The following AHCYL2 variants were observed in gnomAD, a reference collection of about 807,000 sequenced individuals.
AHCYL2 encodes S-adenosylhomocysteine hydrolase-like protein 2.
A neutral mutation model predicts 81.4 loss-of-function variants in AHCYL2; 28 were observed. That is an observed-to-expected ratio of 0.34 (90% CI 0.25 to 0.47). AHCYL2 has a LOEUF of 0.47. AHCYL2 is among the 20% of genes least tolerant of loss of function. The probability of loss-of-function intolerance (pLI) is 1.00; values close to 1 mark genes in which losing one functional copy is unlikely to be tolerated. For missense variants in AHCYL2, 551 were observed against 785.1 expected, an observed-to-expected ratio of 0.70 and a Z score of 3.56; for synonymous variants, 272 against 290.2, an observed-to-expected ratio of 0.94 and a Z score of 0.64.
chr7:129,305,157 A>G (rs1797394283), intron 1 of AHCYL2, among the ~76,000 whole-genome samples: 1 of 152,180 alleles, frequency 6.6e-6, no homozygotes, highest in African/African-American at 2.4e-5. Context: ...CAAGCAAAAA[A>G]ACTAATAAAA....
At chr7:129,263,558 A>C (rs1404109255) in intron 1 of AHCYL2, among the ~76,000 whole-genome samples, 2 of 152,196 alleles carry the variant, frequency 1.3e-5, no homozygotes, top group Non-Finnish European at 2.9e-5. Context: ...AAGTAGCTTG[A>C]GGGAATAAAG....
chr7:129,361,242 A>G (rs913057606), intron 1 of AHCYL2, among the ~76,000 whole-genome samples: 22 of 152,276 alleles, frequency 1.4e-4, no homozygotes, highest in Admixed American at 1.2e-3. Flanking sequence ...TCTTCCCTCT[A>G]TTTGGAATAC....
chr7:129,231,938 C>A (rs896903524), intron 1 of AHCYL2, among the ~76,000 whole-genome samples: 4 of 144,754 alleles, frequency 2.8e-5, no homozygotes, highest in Non-Finnish European at 6.1e-5. Flanking sequence ...ATTTTATTTT[C>A]TTTTTTTTTT....
intron 4 of AHCYL2, among the ~76,000 whole-genome samples, chr7:129,390,821 G>A (rs11762085): frequency 0.2 from 30,525 of 152,094 alleles, 3,924 homozygotes; most frequent in Non-Finnish European, 0.28. Context: ...ACCGAGGGGC[G>A]TGGAATTACC....
chr7:129,283,279 G>A (rs945940068), intron 1 of AHCYL2: 2 of 444,682 alleles, frequency 4.5e-6, no homozygotes. Flanking sequence ...TATTCTCAAG[G>A]CAGTAAGCAG....
At chr7:129,313,108 A>G (rs1223800625) in intron 1 of AHCYL2, among the ~76,000 whole-genome samples, 1 of 152,222 alleles carries the variant, frequency 6.6e-6, no homozygotes, top group Non-Finnish European at 1.5e-5. Context: ...GTTCTGCTAC[A>G]ACCACCCAAA....
intron 1 of AHCYL2, among the ~76,000 whole-genome samples, chr7:129,353,625 G>A (rs1322220683): frequency 6.7e-6 from 1 of 149,322 alleles, no homozygotes; most frequent in East Asian, 1.9e-4. Context: ...GATGTGTTAA[G>A]ATGGAGGTGC....
chr7:129,239,437 T>TC, intron 1 of AHCYL2, among the ~76,000 whole-genome samples: 1 of 152,042 alleles, frequency 6.6e-6, no homozygotes, highest in East Asian at 1.9e-4. Context: ...TTAATTTTTT[T>TC]TTTTTTTTTA....
At chr7:129,302,674 G>A (rs959583206) in intron 1 of AHCYL2, among the ~76,000 whole-genome samples, 2 of 152,148 alleles carry the variant, frequency 1.3e-5, no homozygotes, top group African/African-American at 4.8e-5. Context: ...ATTGATTGGT[G>A]TATGTTGATC....
intron 12 of AHCYL2, among the ~76,000 whole-genome samples, chr7:129,418,209 T>A (rs1006624723): frequency 6.6e-6 from 1 of 152,216 alleles, no homozygotes; most frequent in Admixed American, 6.5e-5. Flanking sequence ...GTTAAGGACT[T>A]TAGATTTTAT....
chr7:129,424,486 C>G (rs1797265983), intron 13 of AHCYL2, among the ~76,000 whole-genome samples: 1 of 152,122 alleles, frequency 6.6e-6, no homozygotes, highest in Non-Finnish European at 1.5e-5. Context: ...GAGATTGTCC[C>G]TGGATTTGAC....
At position 129,414,423 on chromosome 7, in the gene AHCYL2, T is replaced by TTC. The variant is rs1297736802; in HGVS notation, c.1461+736_1461+737insCT. The stretch of plus-strand genomic sequence containing the variant: ...ATAGTTAATAGAAATGTTGTTTCTT[T>TTC]TTTTTTTTTTTTTTTGAGACGGAGT... On this transcript the variant is annotated intron_variant, in intron 12 of 16. Coordinates refer to ENST00000325006, the MANE Select transcript of AHCYL2 (RefSeq NM_015328.4). 2.7e-5 allele frequency among the ~76,000 whole-genome samples: 4 copies of TTC among 146,214 alleles called. No individual in the cohort carries two copies. In the East Asian group the frequency reaches 5.9e-4, roughly 22 times the overall value.
At chr7:129,232,384 A>G (rs1054178752) in intron 1 of AHCYL2, among the ~76,000 whole-genome samples, 6 of 152,224 alleles carry the variant, frequency 3.9e-5, no homozygotes, top group African/African-American at 1.4e-4. Flanking sequence ...TGCTGGCCAT[A>G]GCAATATTGG....
intron 1 of AHCYL2, among the ~76,000 whole-genome samples, chr7:129,257,508 T>C (rs1363637617): frequency 6.6e-6 from 1 of 152,152 alleles, no homozygotes. Flanking sequence ...GCCTGGTGCA[T>C]GGTGGCTGCT....
At chr7:129,302,313 G>T (rs1797283272) in intron 1 of AHCYL2, among the ~76,000 whole-genome samples, 1 of 150,610 alleles carries the variant, frequency 6.6e-6, no homozygotes, top group Non-Finnish European at 1.5e-5. Flanking sequence ...TACAAACAAG[G>T]ATAATGTGAC....
intron 1 of AHCYL2, among the ~76,000 whole-genome samples, chr7:129,362,310 G>A (rs935491243): frequency 6.6e-6 from 1 of 152,068 alleles, no homozygotes; most frequent in African/African-American, 2.4e-5. Context: ...CTTCCATGTT[G>A]AGTCCAAAAA....
chr7:129,316,539 T>C (rs937591407), intron 1 of AHCYL2, among the ~76,000 whole-genome samples: 2 of 152,206 alleles, frequency 1.3e-5, no homozygotes, highest in African/African-American at 4.8e-5. Context: ...GAGAGTTCTT[T>C]CTCTGGAGAA....
At chr7:129,273,321 CTTTTTTTT>C (rs35236990) in intron 1 of AHCYL2, among the ~76,000 whole-genome samples, 7 of 75,896 alleles carry the variant, frequency 9.2e-5, no homozygotes, top group Admixed American at 2.2e-4. Context: ...TTTGCTAAGA[CTTTTTTTT>C]TTTTTTTTTT....
In AHCYL2 at chr7:129,428,465, G is replaced by T. The variant is rs531802197; in HGVS notation, c.*1420G>T. ...AGGACCAGATTGGTTCTAAGAGTTA[G>T]TCTGGACTGGCCCTAGGAAACTTGA... On this transcript the variant is annotated 3_prime_UTR_variant, in exon 17 of 17. Transcript: ENST00000325006. 1.6e-4 allele frequency: 24 copies of T among 152,330 alleles called. No individual in the cohort carries two copies. The highest frequency in any genetic ancestry group is 5.8e-4 in the African/African-American group (24 of 41,572). 9.4% of individuals were successfully genotyped at this position (152,330 alleles called of 1,614,324 possible).
Sources: gnomAD v4.1 joint callset for allele counts (sites outside exome capture counted in the v4.1 genomes callset) on GRCh38, gnomAD v4.1.1 for gene constraint, MANE v1.5 for transcripts, NCBI Gene and HGNC (gene_info 2026-07-23, HGNC 2026-07-21) for gene names.